The following ANKAR variants were observed in gnomAD, a reference collection of about 807,000 sequenced individuals.
ANKAR encodes the protein ankyrin and armadillo repeat containing, also known as ankyrin and armadillo repeat-containing protein.
A neutral mutation model predicts 146.2 loss-of-function variants in ANKAR; 136 were observed. That is an observed-to-expected ratio of 0.93 (90% confidence interval 0.81 to 1.07). The LOEUF (loss-of-function observed/expected upper bound fraction) is 1.07, where lower values mean the gene tolerates loss of function less well. Among genes scored for constraint, ANKAR ranks in the 50% least tolerant of loss-of-function variants. The pLI, the probability that ANKAR is intolerant of heterozygous loss-of-function variation, is 0.00. For missense variants in ANKAR, 1,567 were observed against 1,679.9 expected (o/e 0.93, Z 1.18); for synonymous variants, 500 against 575.8 (o/e 0.87, Z 1.88).
chr2:189,713,908 A>T (rs1000871122), intron 10 of ANKAR, among the ~76,000 whole-genome samples: 1 of 152,236 alleles, frequency 6.6e-6, no homozygotes, highest in Non-Finnish European at 1.5e-5. Context: ...AAATAAAGGG[A>T]TGGAGGAAGA....
intron 10 of ANKAR, among the ~76,000 whole-genome samples, chr2:189,718,461 C>T (rs7557519): frequency 0.24 from 36,045 of 151,918 alleles, 4,590 homozygotes; most frequent in African/African-American, 0.32. Context: ...ATTGAACTCA[C>T]GTGAGATGCT....
At chr2:189,699,119 C>T (rs2037692074) in intron 7 of ANKAR, among the ~76,000 whole-genome samples, 1 of 152,170 alleles carries the variant, frequency 6.6e-6, no homozygotes, top group South Asian at 2.1e-4. Flanking sequence ...TTCATAGGTG[C>T]TCAGGAAATT....
intron 13 of ANKAR, 37 bp from the exon 14 acceptor site, chr2:189,728,230 A>G: frequency 1.3e-6 from 2 of 1,555,698 alleles, no homozygotes; most frequent in Admixed American, 4.1e-5. Context: ...ATGTTCAATA[A>G]ATGTTCACTG....
At chr2:189,753,902 G>A in intron 18 of ANKAR, 2 of 1,610,934 alleles carry the variant, frequency 1.2e-6, no homozygotes, top group South Asian at 1.1e-5. Context: ...ACTATAAAAT[G>A]AGATAAAACT....
chr2:189,746,409 A>G lies in ANKAR; in HGVS notation c.4087A>G (p.Lys1363Glu), dbSNP rs140886538. Residue 1363 changes from lysine (K) to glutamate (E), a missense_variant, in exon 23 of 23, where the codon AAA (lysine) becomes GAA (glutamate). By Grantham distance (56) the Lys-to-Glu change is moderately conservative. Coordinates refer to ENST00000684021, the MANE Select transcript of ANKAR (RefSeq NM_001378068.1). Reference protein sequence around the residue: ...GKEHRRKLKPKIQPKDSLTLL... With the variant: ...GKEHRRKLKPEIQPKDSLTLL... ...GGAGCACCGAAGAAAATTAAAACCTAAAATTCAACCAAAAGATTCTTTGAC... is the reference window on the plus strand; with the variant it reads ...GGAGCACCGAAGAAAATTAAAACCTGAAATTCAACCAAAAGATTCTTTGAC... The G allele has an allele frequency of 5.1e-4, 816 of 1,607,288 alleles. 1 individual carries two copies. Among genetic ancestry groups the G allele is most frequent in the African/African-American group, 3.5e-3 (263 of 74,404 alleles).
At chr2:189,755,543 G>A in intron 18 of ANKAR, 3 of 1,596,344 alleles carry the variant, frequency 1.9e-6, no homozygotes, top group Non-Finnish European at 1.7e-6. Context: ...AGCTGCTGGA[G>A]GAACAATCCC....
chr2:189,760,521 G>A (rs952345071), intron 18 of ANKAR, among the ~76,000 whole-genome samples: 13 of 152,186 alleles, frequency 8.5e-5, no homozygotes, highest in South Asian at 2.1e-4. Flanking sequence ...AGCCCGGCGC[G>A]GTGTCTCACG....
intron 1 of ANKAR, chr2:189,676,134 T>A: frequency 4.8e-6 from 1 of 206,778 alleles, no homozygotes; most frequent in Non-Finnish European, 9.8e-6. Flanking sequence ...TACAAAAGAA[T>A]GCCTCTCCAA....
At chr2:189,680,900 A>G (rs1212905590) in intron 2 of ANKAR, among the ~76,000 whole-genome samples, 1 of 152,160 alleles carries the variant, frequency 6.6e-6, no homozygotes, top group East Asian at 1.9e-4. Flanking sequence ...TTTAAAGGTA[A>G]TTTATCTGGA....
At chr2:189,714,307 C>T (rs555844849) in intron 10 of ANKAR, among the ~76,000 whole-genome samples, 15 of 152,330 alleles carry the variant, frequency 9.8e-5, no homozygotes, top group Non-Finnish European at 2.2e-4. Context: ...ACAGAATATA[C>T]ATTCTTCTCA....
In ANKAR at chr2:189,693,225, G is replaced by A. The variant is rs757112385; in HGVS notation, c.1307+48G>A. The A allele has an allele frequency of 1.9e-5, 23 of 1,211,826 alleles. No individual in the cohort carries two copies. The East Asian group carries it at 3.1e-4, about 16-fold the overall frequency. 75.1% of individuals were successfully genotyped at this position (1,211,826 alleles called of 1,614,324 possible). A position where few individuals can be genotyped will look rare whatever the true frequency, so the allele number is the denominator to read the frequency against. Reference sequence around the variant, plus strand: ...TGACATTAACTACAATTTTTTGCACGTTAGTAGAGAACAAAGAAAATGACA... The same window carrying A: ...TGACATTAACTACAATTTTTTGCACATTAGTAGAGAACAAAGAAAATGACA... On this transcript the variant is annotated intron_variant, in intron 5 of 22. Coordinates refer to ENST00000684021, the MANE Select transcript of ANKAR (RefSeq NM_001378068.1).
intron 3 of ANKAR, among the ~76,000 whole-genome samples, chr2:189,691,763 A>C (rs1443251844): frequency 2.0e-5 from 3 of 151,022 alleles, no homozygotes; most frequent in African/African-American, 7.3e-5. Flanking sequence ...CAGTATTGGC[A>C]CTGTAATATA....
downstream of ANKAR, chr2:189,762,872 T>G (rs2047334423): frequency 3.0e-6 from 3 of 985,396 alleles, no homozygotes; most frequent in South Asian, 1.4e-4. Context: ...AAGAAAAGCT[T>G]AAAGGCCGTC....
At chr2:189,729,638 G>A (rs564893872) in intron 15 of ANKAR, among the ~76,000 whole-genome samples, 2 of 143,136 alleles carry the variant, frequency 1.4e-5, no homozygotes, top group African/African-American at 5.0e-5. Flanking sequence ...ACATACACAT[G>A]CACATAATCA....
chr2:189,704,841 G>A (rs1426934477), intron 7 of ANKAR, among the ~76,000 whole-genome samples, 182 bp from the exon 8 acceptor site: 1 of 149,534 alleles, frequency 6.7e-6, no homozygotes, highest in Non-Finnish European at 1.5e-5. Flanking sequence ...TTAGTGGTTG[G>A]GATTTTTAAT....
At position 189,696,261 on chromosome 2, in the gene ANKAR, T is replaced by C. The variant is rs1278879109; in HGVS notation, c.1600T>C (p.Tyr534His). The part of the protein sequence containing the change: ...STINVSDEAG[Y>H]TIFHHAALHN... ...AATCAATGTTTCAGATGAAGCAGGTTATACTATTTTTCATCATGCTGCCCT... is the reference window on the plus strand; with the variant it reads ...AATCAATGTTTCAGATGAAGCAGGTCATACTATTTTTCATCATGCTGCCCT... Residue 534 changes from tyrosine to histidine, a missense_variant, in exon 7 of 23, where the codon TAT (tyrosine) becomes CAT (histidine). Tyr to His is a moderately conservative substitution (Grantham distance 83). Coordinates refer to ENST00000684021, the MANE Select transcript of ANKAR (RefSeq NM_001378068.1). 2.7e-5 allele frequency: 43 copies of C among 1,614,026 alleles called. No individual in the cohort carries two copies. Among genetic ancestry groups the C allele is most frequent in the Non-Finnish European group, 3.6e-5 (42 of 1,180,022 alleles).
At chr2:189,748,189 G>A (rs546562005), downstream of ANKAR, among the ~76,000 whole-genome samples, 6 of 152,298 alleles carry the variant, frequency 3.9e-5, no homozygotes, top group African/African-American at 1.4e-4. Flanking sequence ...GTGAGTGGGT[G>A]AATGAATTAT....
At chr2:189,737,414 A>C (rs2042957144) in intron 17 of ANKAR, among the ~76,000 whole-genome samples, 1 of 5,424 alleles carries the variant, frequency 1.8e-4, no homozygotes, top group South Asian at 0.17. Flanking sequence ...AAATGAATTT[A>C]AGAGATTGAT....
chr2:189,687,135 C>G (rs2035718040), intron 2 of ANKAR, among the ~76,000 whole-genome samples: 1 of 152,160 alleles, frequency 6.6e-6, no homozygotes, highest in Admixed American at 6.5e-5. Context: ...TTCCCTGCCA[C>G]CTTTCCCAGC....
Sources: allele counts gnomAD v4.1 joint callset (sites outside exome capture counted in the v4.1 genomes callset), GRCh38; gene constraint gnomAD v4.1.1; transcripts MANE v1.5; gene names NCBI Gene and HGNC (gene_info 2026-07-23, HGNC 2026-07-21).